PDE3B: variants seen among roughly 807,000 people sequenced by gnomAD.
The protein encoded by PDE3B is cGMP-inhibited 3',5'-cyclic phosphodiesterase 3B.
A neutral mutation model predicts 116.8 loss-of-function variants in PDE3B; 66 were observed. The ratio of observed to expected loss-of-function variants is 0.56; its 90% CI spans 0.46 to 0.69. PDE3B has a LOEUF of 0.69. PDE3B is among the 30% of genes least tolerant of loss of function. The pLI, the probability that PDE3B is intolerant of heterozygous loss-of-function variation, is 0.00. For synonymous variants in PDE3B, 595 were observed against 533.6 expected, an observed-to-expected ratio of 1.12 and a Z score of -1.59; for missense variants, 1,384 against 1,368.1, an observed-to-expected ratio of 1.01 and a Z score of -0.18.
intron 1 of PDE3B, among the ~76,000 whole-genome samples, chr11:14,727,489 C>CT (rs1290567814): frequency 1.3e-5 from 2 of 152,058 alleles, no homozygotes; most frequent in Non-Finnish European, 1.5e-5. Context: ...GCTATTCTGT[C>CT]TTTAAGTTAA....
chr11:14,701,996 G>GTGT (rs1408005011), intron 1 of PDE3B, among the ~76,000 whole-genome samples: 1 of 150,486 alleles, frequency 6.6e-6, no homozygotes, highest in Non-Finnish European at 1.5e-5. Context: ...ATTCATGTGT[G>GTGT]TGTTTTTTTT....
chr11:14,777,878 AG>A (rs976320914), intron 2 of PDE3B, among the ~76,000 whole-genome samples: 9 of 152,134 alleles, frequency 5.9e-5, no homozygotes, highest in Non-Finnish European at 1.2e-4. Context: ...GGGAAGCGCA[AG>A]GGGTCGGGGA....
chr11:14,749,009 C>T (rs1367545149), intron 1 of PDE3B, among the ~76,000 whole-genome samples: 1 of 151,902 alleles, frequency 6.6e-6, no homozygotes, highest in African/African-American at 2.4e-5. Context: ...ATGCTTCAGC[C>T]TCCCAAGTAG....
chr11:14,755,488 G>A (rs934682996), intron 1 of PDE3B, among the ~76,000 whole-genome samples: 1 of 152,076 alleles, frequency 6.6e-6, no homozygotes, highest in Non-Finnish European at 1.5e-5. Context: ...ATAAAATAAC[G>A]TGCCTGTGGA....
chr11:14,843,948 A>G lies in PDE3B; in HGVS notation c.2442A>G (p.Leu814=), dbSNP rs1370421464. 3.1e-6 allele frequency: 5 copies of G among 1,614,102 alleles called. No homozygotes were observed. Among genetic ancestry groups the G allele is most frequent in the Non-Finnish European group, 3.4e-6 (4 of 1,179,990 alleles). ...TTCCTGCATTAGAATTGATGGCTCT[A>G]TACGTGGCAGCTGCCATGCATGATT... ...SNIPALELMA[L]YVAAAMHDYD... The change falls in exon 12 of 16, where the codon CTA becomes CTG. Residue 814 remains leucine, a synonymous_variant. Coordinates refer to ENST00000282096, the MANE Select transcript of PDE3B (RefSeq NM_000922.4).
the PDE3B span, chr11:14,891,627 C>A: frequency 2.7e-6 from 3 of 1,093,022 alleles, no homozygotes; most frequent in Non-Finnish European, 3.3e-6. Context: ...GACGCCCGCA[C>A]CTGAGGGCAT....
At chr11:14,795,837 G>A (rs929532828) in intron 4 of PDE3B, among the ~76,000 whole-genome samples, 1 of 151,870 alleles carries the variant, frequency 6.6e-6, no homozygotes, top group Non-Finnish European at 1.5e-5. Flanking sequence ...AATTTTGTTT[G>A]CATGTCTAAG....
intron 1 of PDE3B, among the ~76,000 whole-genome samples, chr11:14,666,583 A>G (rs1854160600): frequency 6.6e-6 from 1 of 151,872 alleles, no homozygotes; most frequent in South Asian, 2.1e-4. Flanking sequence ...AAACAAATTT[A>G]CAAGAAAAAA....
chr11:14,888,048 T>C, the PDE3B span, among the ~76,000 whole-genome samples: 4 of 152,228 alleles, frequency 2.6e-5, no homozygotes, highest in Non-Finnish European at 5.9e-5. Flanking sequence ...GATATTCCTA[T>C]AGCTTGCTCC....
intron 2 of PDE3B, among the ~76,000 whole-genome samples, chr11:14,779,929 G>A (rs1176358135): frequency 2.2e-4 from 33 of 151,588 alleles, no homozygotes; most frequent in Admixed American, 1.1e-3. Flanking sequence ...CCCATCTCAC[G>A]TGCAGAGACA....
chr11:14,781,079 T>A (rs1224354971), intron 2 of PDE3B, among the ~76,000 whole-genome samples: 1 of 152,064 alleles, frequency 6.6e-6, no homozygotes, highest in African/African-American at 2.4e-5. Flanking sequence ...ATGGATAAAT[T>A]CCTCGACACA....
At chr11:14,688,683 T>C (rs1264187784) in intron 1 of PDE3B, among the ~76,000 whole-genome samples, 1 of 152,232 alleles carries the variant, frequency 6.6e-6, no homozygotes, top group South Asian at 2.1e-4. Context: ...AATTTTGGTG[T>C]CTTTGTGTAG....
At chr11:14,684,129 C>G (rs1854792059) in intron 1 of PDE3B, among the ~76,000 whole-genome samples, 1 of 152,134 alleles carries the variant, frequency 6.6e-6, no homozygotes, top group African/African-American at 2.4e-5. Flanking sequence ...TAGATTATGT[C>G]AGTCTTCAGT....
At chr11:14,777,110 G>A (rs1035402356) in intron 2 of PDE3B, among the ~76,000 whole-genome samples, 7 of 152,040 alleles carry the variant, frequency 4.6e-5, no homozygotes, top group African/African-American at 1.7e-4. Flanking sequence ...TACAATAATA[G>A]AAATTTAAAA....
At chr11:14,835,298 A>G (rs1209004119) in intron 11 of PDE3B, among the ~76,000 whole-genome samples, 1 of 152,164 alleles carries the variant, frequency 6.6e-6, no homozygotes, top group African/African-American at 2.4e-5. Flanking sequence ...AAAATTTTAA[A>G]CCTGATACCC....
chr11:14,742,535 C>T (rs938481038), intron 1 of PDE3B, among the ~76,000 whole-genome samples: 11 of 152,182 alleles, frequency 7.2e-5, no homozygotes, highest in African/African-American at 2.7e-4. Flanking sequence ...AGGACATGCT[C>T]CTTTAGCTCA....
At chr11:14,667,515 A>G (rs1291021268) in intron 1 of PDE3B, among the ~76,000 whole-genome samples, 1 of 151,980 alleles carries the variant, frequency 6.6e-6, no homozygotes, top group East Asian at 1.9e-4. Context: ...GCCATAAAAA[A>G]GGATGAGTTC....
intron 12 of PDE3B, among the ~76,000 whole-genome samples, chr11:14,851,443 G>A (rs1199316176): frequency 1.3e-5 from 2 of 151,790 alleles, no homozygotes. Context: ...GTGAGCATGT[G>A]TGTTGGGGTC....
At chr11:14,773,544 A>T (rs1236698245) in intron 2 of PDE3B, 1 of 152,160 alleles carries the variant, frequency 6.6e-6, no homozygotes, top group Non-Finnish European at 1.5e-5. Context: ...AAGATTAAAA[A>T]TTGGTATTAT....
Sources: gnomAD v4.1 joint callset for allele counts (sites outside exome capture counted in the v4.1 genomes callset) on GRCh38, gnomAD v4.1.1 for gene constraint, MANE v1.5 for transcripts, NCBI Gene and HGNC (gene_info 2026-07-23, HGNC 2026-07-21) for gene names.